The following P3H2 variants were observed in gnomAD, a reference collection of about 807,000 sequenced individuals.
P3H2 encodes the protein prolyl 3-hydroxylase 2.
A neutral mutation model predicts 87.0 loss-of-function variants in P3H2; 80 were observed. The observed-to-expected ratio is 0.92, with a 90% CI of 0.77 to 1.11. The LOEUF (loss-of-function observed/expected upper bound fraction) is 1.11. Among genes scored for constraint, P3H2 ranks in the 50% least tolerant of loss-of-function variants. The pLI, the probability that P3H2 is intolerant of heterozygous loss-of-function variation, is 0.00. For synonymous variants in P3H2, 367 were observed against 359.3 expected, an observed-to-expected ratio of 1.02 and a Z score of -0.24; for missense variants, 1,001 against 923.9, an observed-to-expected ratio of 1.08 and a Z score of -1.08.
intron 1 of P3H2, among the ~76,000 whole-genome samples, chr3:190,012,252 G>A (rs73890161): frequency 0.23 from 34,145 of 148,506 alleles, 4,054 homozygotes; most frequent in East Asian, 0.35. Flanking sequence ...AGTGGGGGGC[G>A]GGGGACATAT....
intron 1 of P3H2, among the ~76,000 whole-genome samples, chr3:190,034,338 T>A (rs1181321149): frequency 6.6e-6 from 1 of 152,192 alleles, no homozygotes; most frequent in Non-Finnish European, 1.5e-5. Context: ...GCATATTAGG[T>A]ATAATCTTTA....
rs199956841 is a variant in P3H2, at chr3:190,110,242, A to AT, written c.480+10009dup. Reference sequence around the variant, plus strand: ...GTGACATTTTGCAATATATGGAGACATTTTTTGTTATCACTGCTTGGAGGG... The same window carrying AT: ...GTGACATTTTGCAATATATGGAGACATTTTTTTGTTATCACTGCTTGGAGGG... On this transcript the variant is annotated intron_variant, in intron 1 of 14. Coordinates refer to ENST00000319332, the MANE Select transcript of P3H2 (RefSeq NM_018192.4). Among the ~76,000 whole-genome samples, 245 of 152,268 alleles carry AT rather than the reference A, an allele frequency of 1.6e-3. 5 individuals are homozygous for AT. The East Asian group carries it at 0.04, about 25-fold the overall frequency.
intron 1 of P3H2, among the ~76,000 whole-genome samples, chr3:190,029,769 G>T (rs1322573829): frequency 3.3e-5 from 5 of 152,166 alleles, no homozygotes; most frequent in Non-Finnish European, 1.5e-5. Context: ...GGGAGGCCAA[G>T]GTGGGTGGAT....
chr3:189,994,417 G>T, intron 2 of P3H2, 134 bp from the exon 3 acceptor site: 1 of 701,114 alleles, frequency 1.4e-6, no homozygotes, highest in Non-Finnish European at 2.4e-6. Context: ...CTTCTGCTGC[G>T]GAGGGATAAA....
At chr3:189,968,187 A>C (rs1723058125) in intron 13 of P3H2, among the ~76,000 whole-genome samples, 1 of 152,180 alleles carries the variant, frequency 6.6e-6, no homozygotes, top group Non-Finnish European at 1.5e-5. Context: ...ATAGGTGTAC[A>C]TGTGCCATGG....
At chr3:190,002,004 T>G (rs985734066) in intron 1 of P3H2, among the ~76,000 whole-genome samples, 7 of 152,172 alleles carry the variant, frequency 4.6e-5, no homozygotes, top group Non-Finnish European at 1.0e-4. Context: ...ATCCTGTAAA[T>G]TACAGTATTT....
At chr3:190,086,182 A>C (rs1358714855) in intron 1 of P3H2, among the ~76,000 whole-genome samples, 1 of 152,106 alleles carries the variant, frequency 6.6e-6, no homozygotes, top group Non-Finnish European at 1.5e-5. Context: ...TCTGGGACTC[A>C]CTGTCTTTTT....
intron 1 of P3H2, among the ~76,000 whole-genome samples, chr3:190,048,972 C>T (rs1182546051): frequency 6.6e-6 from 1 of 152,140 alleles, no homozygotes; most frequent in Non-Finnish European, 1.5e-5. Flanking sequence ...CAAAAACGGG[C>T]TGCCTCTCAC....
chr3:190,066,829 A>G (rs1726524784), intron 1 of P3H2, among the ~76,000 whole-genome samples: 1 of 152,042 alleles, frequency 6.6e-6, no homozygotes, highest in Non-Finnish European at 1.5e-5. Flanking sequence ...AAAAAGTCAG[A>G]CAGCCCCTCA....
At chr3:190,089,286 T>G (rs1383156636) in intron 1 of P3H2, among the ~76,000 whole-genome samples, 3 of 152,126 alleles carry the variant, frequency 2.0e-5, no homozygotes, top group Non-Finnish European at 4.4e-5. Flanking sequence ...AGTTAATGGG[T>G]GCAGCACACC....
intron 1 of P3H2, among the ~76,000 whole-genome samples, chr3:190,038,427 C>T (rs560275727): frequency 2.7e-5 from 4 of 146,784 alleles, no homozygotes; most frequent in South Asian, 2.2e-4. Context: ...TCTCAATCAC[C>T]CCAGGTGTCC....
chr3:189,974,975 G>A (rs570970412), intron 8 of P3H2, among the ~76,000 whole-genome samples: 17 of 152,218 alleles, frequency 1.1e-4, no homozygotes, highest in African/African-American at 2.6e-4. Flanking sequence ...CCAAAAAGTC[G>A]ACTGGGCATC....
intron 1 of P3H2, among the ~76,000 whole-genome samples, chr3:190,089,217 C>T (rs544734218): frequency 0.016 from 2,466 of 151,792 alleles, 70 homozygotes; most frequent in African/African-American, 0.057. Context: ...CGGGGCCTGT[C>T]GTGGGGCGGG....
At chr3:189,979,383 G>A (rs903778868) in intron 8 of P3H2, among the ~76,000 whole-genome samples, 10 of 152,112 alleles carry the variant, frequency 6.6e-5, no homozygotes, top group South Asian at 2.1e-4. Context: ...AGCCAAGATC[G>A]TGCCACTGTA....
At chr3:190,057,746 C>A (rs972188227) in intron 1 of P3H2, among the ~76,000 whole-genome samples, 19 of 152,224 alleles carry the variant, frequency 1.2e-4, no homozygotes, top group African/African-American at 4.3e-4. Flanking sequence ...AATAAAAACC[C>A]AAACTTTGGC....
intron 1 of P3H2, among the ~76,000 whole-genome samples, chr3:190,002,689 G>A (rs1464141554): frequency 1.3e-5 from 2 of 152,130 alleles, no homozygotes; most frequent in Admixed American, 6.5e-5. Context: ...GTGAGCCACC[G>A]TGCCCGGCAT....
At chr3:189,981,728 C>G (rs1723540553) in intron 8 of P3H2, among the ~76,000 whole-genome samples, 1 of 152,226 alleles carries the variant, frequency 6.6e-6, no homozygotes, top group African/African-American at 2.4e-5. Flanking sequence ...AATTTGGCAA[C>G]TGTCCTGGAG....
intron 1 of P3H2, among the ~76,000 whole-genome samples, chr3:190,096,585 C>A (rs552925557): frequency 6.6e-5 from 10 of 152,130 alleles, no homozygotes; most frequent in Non-Finnish European, 1.2e-4. Flanking sequence ...ACATTCAGAA[C>A]GCTTAAGAAA....
intron 1 of P3H2, among the ~76,000 whole-genome samples, chr3:190,046,122 C>CAAAA (rs62695060): frequency 1.7e-5 from 2 of 118,036 alleles, no homozygotes; most frequent in Non-Finnish European, 3.5e-5. Flanking sequence ...GACTCCATCT[C>CAAAA]AAAAAAAAAA....
Sources: gnomAD v4.1 joint callset for allele counts (sites outside exome capture counted in the v4.1 genomes callset) on GRCh38, gnomAD v4.1.1 for gene constraint, MANE v1.5 for transcripts, NCBI Gene and HGNC (gene_info 2026-07-23, HGNC 2026-07-21) for gene names.